Variants in CEP350 observed in about 807,000 individuals in gnomAD.
The protein encoded by CEP350 is centrosomal protein 350.
Under a neutral mutation model 331.8 loss-of-function variants are expected in CEP350, and 126 were observed. That is an observed-to-expected ratio of 0.38 (90% CI 0.33 to 0.44). The LOEUF (loss-of-function observed/expected upper bound fraction) is 0.44. Among genes scored for constraint, CEP350 ranks in the 20% least tolerant of loss-of-function variants. CEP350 has a pLI of 1.00. For missense variants in CEP350, 3,406 were observed against 3,634.6 expected, an observed-to-expected ratio of 0.94 and a Z score of 1.62; for synonymous variants, 1,200 against 1,259.5, an observed-to-expected ratio of 0.95 and a Z score of 1.00.
chr1:180,101,772 A>AT (rs1165944374), intron 37 of CEP350, among the ~76,000 whole-genome samples: 4 of 152,308 alleles, frequency 2.6e-5, no homozygotes, highest in African/African-American at 9.6e-5. Context: ...TTTGGGTTTA[A>AT]TTAATTTGAT....
At chr1:180,015,736 C>T in intron 10 of CEP350, 113 bp from the exon 11 acceptor site, 1 of 1,236,188 alleles carries the variant, frequency 8.1e-7, no homozygotes, top group Non-Finnish European at 1.1e-6. Flanking sequence ...AAAAAAAAAC[C>T]ACTACATTTT....
chr1:180,078,490 T>C lies in CEP350; in HGVS notation c.5795T>C (p.Val1932Ala), dbSNP rs1441904224. 1.2e-6 allele frequency: 2 copies of C among 1,613,192 alleles called. No individual in the cohort carries two copies. Among genetic ancestry groups the C allele is most frequent in the Non-Finnish European group, 1.7e-6 (2 of 1,179,580 alleles). ...KEIASEEESP[V>A]PLYSHLNSES... ...ATAGCAAGTGAAGAGGAATCTCCAGTACCTCTGTACTCTCATCTAAACAGT... is the reference window on the plus strand; with the variant it reads ...ATAGCAAGTGAAGAGGAATCTCCAGCACCTCTGTACTCTCATCTAAACAGT... The change falls in exon 29 of 38, where the codon GTA (valine) becomes GCA (alanine). Residue 1932 changes from valine (V) to alanine (A), a missense_variant. Physicochemically the swap from Val to Ala is moderately conservative, Grantham distance 64 (BLOSUM62 0). Transcript: ENST00000367607.
At chr1:180,026,737 G>T (rs898254130) in intron 14 of CEP350, among the ~76,000 whole-genome samples, 2 of 152,010 alleles carry the variant, frequency 1.3e-5, no homozygotes, top group Non-Finnish European at 1.5e-5. Flanking sequence ...TTTTTATCTT[G>T]CTTATTTCAC....
intron 32 of CEP350, among the ~76,000 whole-genome samples, chr1:180,089,759 G>A (rs148406384): frequency 6.6e-6 from 1 of 152,128 alleles, no homozygotes; most frequent in African/African-American, 2.4e-5. Flanking sequence ...TTAATTTTAA[G>A]TGCCTGTTGT....
intron 5 of CEP350, 44 bp downstream of exon 5, chr1:179,992,265 G>C: frequency 7.1e-7 from 1 of 1,401,320 alleles, no homozygotes; most frequent in Non-Finnish European, 9.3e-7. Context: ...GGTTTAGCCT[G>C]TAATATTTAC....
Position 180,049,530 on chromosome 1 carries a change from GACTT to G in CEP350, c.4792+832_4792+835del, listed in dbSNP as rs201189557. On this transcript the variant is annotated intron_variant, in intron 22 of 37. Coordinates refer to ENST00000367607, the MANE Select transcript of CEP350 (RefSeq NM_014810.5). ...GGCCATGATGGAACAACAGGGACCAGACTTACTTACACCTTTTTTTTTTTTTTTT... is the reference window on the plus strand; with the variant it reads ...GGCCATGATGGAACAACAGGGACCAGACTTACACCTTTTTTTTTTTTTTTT... 9.2e-3 allele frequency among the ~76,000 whole-genome samples: 1,362 copies of G among 148,074 alleles called. 17 individuals carry two copies. Among genetic ancestry groups the G allele is most frequent in the African/African-American group, 0.032 (1,283 of 40,092 alleles).
At chr1:180,102,538 G>A (rs1379622955) in intron 37 of CEP350, among the ~76,000 whole-genome samples, 3 of 152,076 alleles carry the variant, frequency 2.0e-5, no homozygotes, top group Non-Finnish European at 4.4e-5. Context: ...CTATGATTTT[G>A]TTACACTTTT....
chr1:180,090,545 CAAAAAAA>C (rs36128628), intron 32 of CEP350, among the ~76,000 whole-genome samples, 162 bp from the exon 33 acceptor site: 8 of 77,364 alleles, frequency 1.0e-4, no homozygotes, highest in South Asian at 9.5e-4. Flanking sequence ...GACTCCGTCT[CAAAAAAA>C]AAAAAAAAAA....
In CEP350 at chr1:180,094,415, A is replaced by G. The variant is rs1571992388; in HGVS notation, c.8310A>G (p.Leu2770=). The change falls in exon 34 of 38, where the codon CTA becomes CTG. Residue 2770 remains leucine (L), a synonymous_variant. Coordinates refer to ENST00000367607, the MANE Select transcript of CEP350 (RefSeq NM_014810.5). ...KVFVKDTVNQ[L]QQIKKTRDEK... ...TTGTAAAGGACACAGTCAATCAACT[A>G]CAACAAATCAAAAAAACCAGGGATG... 6.2e-7 allele frequency: 1 copy of G among 1,613,796 alleles called. No individual in the cohort carries two copies. The highest frequency in any genetic ancestry group is 1.1e-5 in the South Asian group (1 of 91,036).
chr1:180,052,099 A>C, intron 22 of CEP350: 1 of 391,822 alleles, frequency 2.6e-6, no homozygotes, highest in Admixed American at 3.1e-5. Context: ...ACACGTATAC[A>C]TGGATTAATA....
At chr1:180,104,114 A>G (rs1189004991) in intron 37 of CEP350, among the ~76,000 whole-genome samples, 4 of 149,278 alleles carry the variant, frequency 2.7e-5, no homozygotes, top group Non-Finnish European at 5.9e-5. Context: ...GTTATATTTT[A>G]TCTAATACAT....
At chr1:180,103,953 CAAAATATATACAAATATATATTTT>C (rs1432211265) in intron 37 of CEP350, among the ~76,000 whole-genome samples, 3,758 of 140,392 alleles carry the variant, frequency 0.027, 114 homozygotes, top group African/African-American at 0.063. Context: ...AAAATATATA[CAAAATATATACAAATATATATTTT>C]AAAATATATA....
intron 22 of CEP350, among the ~76,000 whole-genome samples, chr1:180,050,254 A>G (rs375529335): frequency 1.3e-5 from 2 of 152,228 alleles, no homozygotes; most frequent in South Asian, 2.1e-4. Context: ...TAAAACTTCT[A>G]TTTTGTGAAA....
rs1234475749 is a variant in CEP350, at chr1:179,996,562, T to C, written c.405T>C (p.His135=). The C allele has an allele frequency of 6.4e-7, 1 of 1,556,956 alleles. No individual in the cohort carries two copies. ...TTATTTTTTATTGTAGGGAAATCCA[T>C]GGTGCACCTTCCAATTTCAGTTCCA... ...REPLVSYREI[H]GAPSNFSSSH... Residue 135 remains histidine, a synonymous_variant, in exon 6 of 38, where the codon CAT becomes CAC. Transcript: ENST00000367607.
chr1:179,994,288 T>C (rs1440520369), intron 5 of CEP350, among the ~76,000 whole-genome samples: 1 of 152,106 alleles, frequency 6.6e-6, no homozygotes, highest in African/African-American at 2.4e-5. Flanking sequence ...ATGTTTTATT[T>C]TATTTTTGCG....
intron 27 of CEP350, among the ~76,000 whole-genome samples, chr1:180,071,330 G>A (rs907177856): frequency 4.7e-5 from 7 of 149,720 alleles, no homozygotes; most frequent in African/African-American, 7.4e-5. Context: ...GTGGTGATGC[G>A]CGCCTGTAAT....
intron 13 of CEP350, among the ~76,000 whole-genome samples, chr1:180,023,402 AC>A (rs1655462677): frequency 6.6e-6 from 1 of 152,214 alleles, no homozygotes; most frequent in African/African-American, 2.4e-5. Context: ...TCCATGCTAT[AC>A]TAACATAAAA....
intron 6 of CEP350, among the ~76,000 whole-genome samples, chr1:179,998,896 T>C (rs1285069866): frequency 6.6e-6 from 1 of 152,126 alleles, no homozygotes; most frequent in East Asian, 1.9e-4. Context: ...TGAGAAATTG[T>C]GATCAATTCA....
At chr1:180,044,877 AAAT>A (rs2148932772) in intron 21 of CEP350, among the ~76,000 whole-genome samples, 1 of 139,404 alleles carries the variant, frequency 7.2e-6, no homozygotes, top group African/African-American at 2.5e-5. Context: ...TCCAAAAATA[AAAT>A]AATTGTTGAT....
Sources: gnomAD v4.1 joint callset for allele counts (sites outside exome capture counted in the v4.1 genomes callset) on GRCh38, gnomAD v4.1.1 for gene constraint, MANE v1.5 for transcripts, NCBI Gene and HGNC (gene_info 2026-07-23, HGNC 2026-07-21) for gene names.